The following ZNF407 variants were observed in gnomAD, a reference collection of about 807,000 sequenced individuals.
The protein encoded by ZNF407 is zinc finger protein 407.
A neutral mutation model predicts 131.2 loss-of-function variants in ZNF407; 17 were observed. That is an observed-to-expected ratio of 0.13 (90% confidence interval 0.09 to 0.19). ZNF407 has a LOEUF of 0.19. Among genes scored for constraint, ZNF407 ranks in the 10% least tolerant of loss-of-function variants. ZNF407 has a pLI of 1.00. For missense variants in ZNF407, 2,681 were observed against 2,830.6 expected (o/e 0.95, Z 1.20); for synonymous variants, 1,156 against 1,062.0 (o/e 1.09, Z -1.72).
chr18:74,979,134 G>T (rs1229899945), intron 8 of ZNF407, among the ~76,000 whole-genome samples: 1 of 152,106 alleles, frequency 6.6e-6, no homozygotes, highest in Non-Finnish European at 1.5e-5. Context: ...CCGAGAAACT[G>T]ATAAGGAAGG....
chr18:74,827,178 C>G (rs1224119067), intron 4 of ZNF407, among the ~76,000 whole-genome samples: 2 of 152,104 alleles, frequency 1.3e-5, no homozygotes, highest in Non-Finnish European at 2.9e-5. Flanking sequence ...CTGATGTTTT[C>G]TTATTGTTAG....
intron 3 of ZNF407, among the ~76,000 whole-genome samples, chr18:74,779,714 A>G (rs1400090991): frequency 6.6e-6 from 1 of 152,060 alleles, no homozygotes; most frequent in Non-Finnish European, 1.5e-5. Flanking sequence ...GCCATGTAAT[A>G]TTTTTGCTTC....
At chr18:74,895,741 C>G (rs1041191652) in intron 7 of ZNF407, among the ~76,000 whole-genome samples, 2 of 152,126 alleles carry the variant, frequency 1.3e-5, no homozygotes, top group Non-Finnish European at 2.9e-5. Context: ...AGTAATAAGG[C>G]AAGCCTTCTT....
At chr18:74,611,863 G>A (rs1257787684) in intron 1 of ZNF407, among the ~76,000 whole-genome samples, 1 of 152,176 alleles carries the variant, frequency 6.6e-6, no homozygotes, top group African/African-American at 2.4e-5. Flanking sequence ...GTCAAGCCCT[G>A]TAGGGAATGT....
intron 3 of ZNF407, among the ~76,000 whole-genome samples, chr18:74,676,685 T>A (rs12959304): frequency 6.6e-6 from 1 of 151,958 alleles, no homozygotes; most frequent in Non-Finnish European, 1.5e-5. Flanking sequence ...CTGCCCGCCT[T>A]GGCCTCCCAG....
At chr18:74,814,300 A>G (rs1970238100) in intron 4 of ZNF407, among the ~76,000 whole-genome samples, 1 of 151,934 alleles carries the variant, frequency 6.6e-6, no homozygotes, top group Admixed American at 6.6e-5. Context: ...CACCCAGCTA[A>G]TGATTTTACT....
intron 1 of ZNF407, among the ~76,000 whole-genome samples, chr18:74,605,131 T>G (rs1392962376): frequency 1.3e-5 from 2 of 152,150 alleles, no homozygotes; most frequent in African/African-American, 4.8e-5. Context: ...TGCATTCTCT[T>G]GATATTTGGG....
chr18:74,808,928 G>C (rs1970153509), intron 4 of ZNF407, among the ~76,000 whole-genome samples: 1 of 152,168 alleles, frequency 6.6e-6, no homozygotes, highest in Admixed American at 6.5e-5. Context: ...ATATTGGTCT[G>C]TGGGGAATAA....
chr18:74,981,342 A>G (rs1270887687), intron 8 of ZNF407, among the ~76,000 whole-genome samples: 1 of 152,208 alleles, frequency 6.6e-6, no homozygotes, highest in Non-Finnish European at 1.5e-5. Flanking sequence ...GGAAAGCCGC[A>G]GCTCCAGGCC....
At chr18:74,755,777 C>CTG (rs1968937584) in intron 3 of ZNF407, among the ~76,000 whole-genome samples, 2 of 129,634 alleles carry the variant, frequency 1.5e-5, no homozygotes, top group Non-Finnish European at 3.2e-5. Context: ...TTCTTTCTCT[C>CTG]TCTCTCTTTC....
intron 4 of ZNF407, among the ~76,000 whole-genome samples, chr18:74,789,551 C>T (rs1054493194): frequency 2.0e-5 from 3 of 152,028 alleles, no homozygotes; most frequent in African/African-American, 7.2e-5. Flanking sequence ...GCTGCTGTGC[C>T]AGTCGTCTTT....
At position 74,968,779 on chromosome 18, in the gene ZNF407, C is replaced by T. The variant is rs377122248; in HGVS notation, c.5428+48087C>T. 1.9e-3 allele frequency among the ~76,000 whole-genome samples: 283 copies of T among 152,164 alleles called. 6 individuals are homozygous for T. The highest frequency in any genetic ancestry group is 6.4e-3 in the African/African-American group (265 of 41,506). On this transcript the variant is annotated intron_variant, in intron 8 of 8. Coordinates refer to ENST00000299687, the MANE Select transcript of ZNF407 (RefSeq NM_017757.3). ...CTTTACCTGGATTGGAGTTTTCCTT[C>T]TTCAGGTTCTCAGCTTCTTGATTGG... is the stretch of plus-strand genomic sequence containing the variant.
intron 8 of ZNF407, chr18:75,061,920 TC>T (rs940685508): frequency 2.6e-5 from 4 of 152,300 alleles, no homozygotes; most frequent in African/African-American, 9.6e-5. Flanking sequence ...GGCTGGCACT[TC>T]AGATCGTAAA....
Position 75,063,711 on chromosome 18 carries a change from C to T in ZNF407, c.5990C>T (p.Thr1997Ile). ...CTGGATGCATTGCTCTGTGCGGTCA[C>T]TGAATTAGGGGAGGTGGAGGGCAGG... ...SALDALLCAV[T>I]ELGEVEGRAG... Residue 1997 changes from threonine to isoleucine, a missense_variant, in exon 9 of 9, where the codon ACT becomes ATT. Thr to Ile is a moderately conservative substitution (Grantham distance 89). Around this residue, in one of 6 missense-constraint regions of ZNF407, gnomAD observed 620 missense variants for 583.1 expected, o/e 1.06. Transcript: ENST00000299687. The surrounding 1 kb of genome is among the most constrained non-coding windows in gnomAD (Gnocchi z 6.6). The T allele has an allele frequency of 2.5e-6, 4 of 1,612,386 alleles. No homozygotes were observed. The highest frequency in any genetic ancestry group is 2.2e-5 in the South Asian group (2 of 90,984).
chr18:74,825,406 C>G (rs1599178966), intron 4 of ZNF407, among the ~76,000 whole-genome samples: 1 of 152,194 alleles, frequency 6.6e-6, no homozygotes, highest in South Asian at 2.1e-4. Context: ...CAAATTTTCT[C>G]TGTTTGCAGA....
At chr18:74,741,021 A>T (rs1341043883) in intron 3 of ZNF407, among the ~76,000 whole-genome samples, 1 of 152,202 alleles carries the variant, frequency 6.6e-6, no homozygotes, top group East Asian at 1.9e-4. Flanking sequence ...TCCCAGTAGC[A>T]GTAGCTGGAA....
chr18:74,788,074 G>A (rs1040093457), intron 4 of ZNF407, among the ~76,000 whole-genome samples: 1 of 152,188 alleles, frequency 6.6e-6, no homozygotes, highest in Admixed American at 6.5e-5. Context: ...GGAAGCTCAT[G>A]GCCAAAATTG....
At chr18:74,866,672 G>T (rs1039944458) in intron 4 of ZNF407, among the ~76,000 whole-genome samples, 2 of 150,890 alleles carry the variant, frequency 1.3e-5, no homozygotes, top group East Asian at 1.9e-4. Flanking sequence ...AATCAATTTT[G>T]TGAGAAATAA....
At chr18:75,004,860 G>T (rs1000801337) in intron 8 of ZNF407, among the ~76,000 whole-genome samples, 1 of 152,100 alleles carries the variant, frequency 6.6e-6, no homozygotes, top group Admixed American at 6.6e-5. Flanking sequence ...TGGTAAATAC[G>T]CCTCTCCTCG....
Sources: gnomAD v4.1 joint callset for allele counts (sites outside exome capture counted in the v4.1 genomes callset) on GRCh38, gnomAD v4.1.1 for gene constraint, gnomAD v4.1.1 regional missense constraint, Gnocchi (gnomAD v3.1) non-coding constraint, MANE v1.5 for transcripts, NCBI Gene and HGNC (gene_info 2026-07-23, HGNC 2026-07-21) for gene names.